Variants in EP400 observed in about 807,000 individuals in gnomAD.
EP400 encodes the protein E1A-binding protein p400.
A neutral mutation model predicts 354.1 loss-of-function variants in EP400; 105 were observed. That is an observed-to-expected ratio of 0.30 (90% CI 0.25 to 0.35). EP400 has a LOEUF of 0.35. EP400 is among the 10% of genes least tolerant of loss of function. The pLI is 1.00. For missense variants in EP400, 3,280 were observed against 4,121.0 expected, an observed-to-expected ratio of 0.80 and a Z score of 5.59; for synonymous variants, 1,646 against 1,716.9, an observed-to-expected ratio of 0.96 and a Z score of 1.02.
chr12:132,026,149 G>T (rs1477357976), intron 25 of EP400, among the ~76,000 whole-genome samples: 1 of 152,162 alleles, frequency 6.6e-6, no homozygotes. Flanking sequence ...GGCCGCCCAC[G>T]CAGGGTCTGG....
rs1195829904 is a variant in EP400, at chr12:131,990,370, G to A, written c.2550+266G>A. On this transcript the variant is annotated intron_variant, in intron 8 of 52. Coordinates refer to ENST00000389561, the MANE Select transcript of EP400 (RefSeq NM_015409.5). This position sits in a 1 kb window ranked among gnomAD's most constrained non-coding sequence, Gnocchi z 4.2. ...GAGGGGCTCTGGGCATTGTTTCAGG[G>A]TTAGCGTGAGTCACCACCACGGTTA... Among the ~76,000 whole-genome samples the A allele has an allele frequency of 6.6e-6, 1 of 152,180 alleles. No homozygotes were observed. The highest frequency in any genetic ancestry group is 1.5e-5 in the Non-Finnish European group (1 of 68,028).
chr12:132,067,634 A>T lies in EP400; in HGVS notation c.8874+148A>T. The T allele has an allele frequency of 8.7e-7, 1 of 1,151,286 alleles. No homozygotes were observed. Among genetic ancestry groups the T allele is most frequent in the Non-Finnish European group, 1.2e-6 (1 of 828,146 alleles). The allele number at this position is 1,151,286 out of a possible 1,614,324, so 71.3% of individuals were successfully genotyped here. On this transcript the variant is annotated intron_variant, in intron 50 of 52. Coordinates refer to ENST00000389561, the MANE Select transcript of EP400 (RefSeq NM_015409.5). The surrounding 1 kb of genome is among the most constrained non-coding windows in gnomAD (Gnocchi z 5.3). ...AAGGGCTGGAGGTGCTAGTGTGGTC[A>T]TCCCTGTTGGTTTTTCCTTCCTTTA...
intron 4 of EP400, 82 bp downstream of exon 4, chr12:131,981,678 C>A: frequency 8.1e-7 from 1 of 1,230,510 alleles, no homozygotes; most frequent in Non-Finnish European, 1.2e-6. Context: ...CAGACTCAGA[C>A]TTGGGCAGTG....
chr12:132,009,303 C>T (rs974427212), intron 15 of EP400, among the ~76,000 whole-genome samples: 7 of 152,060 alleles, frequency 4.6e-5, no homozygotes, highest in Admixed American at 2.0e-4. Flanking sequence ...AATCAGTCAG[C>T]GTTCATTCAT....
intron 45 of EP400, among the ~76,000 whole-genome samples, chr12:132,057,478 GGGCTCCACTACGGAGA>G (rs1895551391): frequency 6.6e-6 from 1 of 152,194 alleles, no homozygotes; most frequent in South Asian, 2.1e-4. Context: ...GATGCGGGAG[GGGCTCCACTACGGAGA>G]GGAATTCGAG....
chr12:131,988,123 C>T (rs1309023855), intron 7 of EP400, among the ~76,000 whole-genome samples: 1 of 151,638 alleles, frequency 6.6e-6, no homozygotes, highest in East Asian at 1.9e-4. Flanking sequence ...TTGCTCGCCT[C>T]GGCCTCCTGG....
At chr12:131,968,431 A>G (rs1258789705) in intron 2 of EP400, among the ~76,000 whole-genome samples, 3 of 152,074 alleles carry the variant, frequency 2.0e-5, no homozygotes, top group Non-Finnish European at 2.9e-5. Flanking sequence ...CCGTCTCTTT[A>G]TGTGTTTTTC....
chr12:131,961,448 G>C lies in EP400; in HGVS notation c.829G>C (p.Val277Leu). 1 of 1,531,874 alleles carries C rather than the reference G, an allele frequency of 6.5e-7. No individual in the cohort carries two copies. The highest frequency in any genetic ancestry group is 8.8e-7 in the Non-Finnish European group (1 of 1,132,018). The allele number at this position is 1,531,874 out of a possible 1,614,324, so 94.9% of individuals were successfully genotyped here. A position where few individuals can be genotyped will look rare whatever the true frequency, so the allele number is the denominator to read the frequency against. The change falls in exon 2 of 53, where the codon GTT becomes CTT. Residue 277 changes from valine to leucine, a missense_variant. Physicochemically the swap from Val to Leu is conservative, Grantham distance 32. Around this residue, in one of 20 missense-constraint regions of EP400, gnomAD observed 85 missense variants for 180.3 expected, o/e 0.47. Transcript: ENST00000389561. ...QISSIIQGQL[V>L]QQQQVLQGPP... ...CAGCAGCATCATCCAGGGCCAGCTG[G>C]TTCAGCAGCAGCAGGTGCTGCAGGG... is the stretch of plus-strand genomic sequence containing the variant.
At position 132,050,552 on chromosome 12, in the gene EP400, G is replaced by C. The variant is rs1593374305; in HGVS notation, c.7338-47G>C. 1 of 1,613,664 alleles carries C rather than the reference G, an allele frequency of 6.2e-7. No individual in the cohort carries two copies. Among genetic ancestry groups the C allele is most frequent in the Middle Eastern group, 1.7e-4 (1 of 6,060 alleles). The stretch of plus-strand genomic sequence containing the variant: ...TGTGTTTTTAACATACCCTTCTTCA[G>C]ATATTTCCTTTATTTAATAATTGCT... On this transcript the variant is annotated intron_variant, in intron 40 of 52. Transcript: ENST00000389561. The surrounding 1 kb of genome is among the most constrained non-coding windows in gnomAD (Gnocchi z 4.8).
chr12:132,061,618 C>T (rs918018831), intron 45 of EP400, among the ~76,000 whole-genome samples: 1 of 152,276 alleles, frequency 6.6e-6, no homozygotes, highest in Admixed American at 6.5e-5. Flanking sequence ...GAGTGGACTG[C>T]AGGGCACAGT....
Position 132,013,611 on chromosome 12 carries a change from C to G in EP400, c.3733C>G (p.Pro1245Ala), listed in dbSNP as rs1342534130. 13 of 1,613,710 alleles carry G rather than the reference C, an allele frequency of 8.1e-6. No homozygotes were observed. The highest frequency in any genetic ancestry group is 1.3e-5 in the African/African-American group (1 of 74,896). ...CTACCTGAGCTCCCCTCTGAGGGCC[C>G]CCAGTGAAGAGAGCCAGGATTACTA... is the stretch of plus-strand genomic sequence containing the variant. ...RPYLSSPLRA[P>A]SEESQDYYHK... Residue 1245 changes from proline (P) to alanine (A), a missense_variant, in exon 18 of 53, where the codon CCC (proline) becomes GCC (alanine). Coordinates refer to ENST00000389561, the MANE Select transcript of EP400 (RefSeq NM_015409.5). The surrounding 1 kb of genome is among the most constrained non-coding windows in gnomAD (Gnocchi z 4.5).
In EP400 at chr12:132,017,247, C is replaced by T. The variant is rs1893974066; in HGVS notation, c.3924-288C>T. 6.6e-6 allele frequency among the ~76,000 whole-genome samples: 1 copy of T among 152,226 alleles called. No homozygotes were observed. Among genetic ancestry groups the T allele is most frequent in the African/African-American group, 2.4e-5 (1 of 41,462 alleles). ...CACTTTGCTCATCCCCCTTGGATGC[C>T]CCCACTTCTCTTTCAGAGCACTCGG... On this transcript the variant is annotated intron_variant, in intron 19 of 52. Transcript: ENST00000389561. The surrounding 1 kb of genome is among the most constrained non-coding windows in gnomAD (Gnocchi z 5.0).
intron 16 of EP400, among the ~76,000 whole-genome samples, chr12:132,012,026 C>T (rs1470742187): frequency 6.6e-6 from 1 of 152,206 alleles, no homozygotes; most frequent in Non-Finnish European, 1.5e-5. Context: ...GAACCATTTC[C>T]ACAACATGCC....
At chr12:131,980,010 G>A (rs925475307) in intron 3 of EP400, among the ~76,000 whole-genome samples, 1 of 152,228 alleles carries the variant, frequency 6.6e-6, no homozygotes, top group East Asian at 1.9e-4. Context: ...GGTGTATTCC[G>A]TGTTGGTTTT....
At chr12:131,971,874 A>G (rs571330614) in intron 2 of EP400, among the ~76,000 whole-genome samples, 12 of 152,298 alleles carry the variant, frequency 7.9e-5, no homozygotes, top group Non-Finnish European at 1.2e-4. Flanking sequence ...TGGATTGTTT[A>G]GTGAAAGATA....
rs1202785063 is a variant in EP400, at chr12:132,054,759, TGGGGTGGAGGGACAATGGGATA to T, written c.7729-200_7729-179del. 2.8e-5 allele frequency among the ~76,000 whole-genome samples: 4 copies of T among 143,952 alleles called. No homozygotes were observed. Among genetic ancestry groups the T allele is most frequent in the Non-Finnish European group, 4.6e-5 (3 of 65,686 alleles). 94.4% of individuals were successfully genotyped at this position (143,952 alleles called of 152,430 possible). A position where few individuals can be genotyped will look rare whatever the true frequency, so the allele number is the denominator to read the frequency against. On this transcript the variant is annotated intron_variant, in intron 43 of 52. Transcript: ENST00000389561. The surrounding 1 kb of genome is among the most constrained non-coding windows in gnomAD (Gnocchi z 4.0). ...GAGGGACAGTGGGATGGAGGGTCCCTGGGGTGGAGGGACAATGGGATAGGGGTGGAGGGACAGCAGGTAGACA... is the reference window on the plus strand; with the variant it reads ...GAGGGACAGTGGGATGGAGGGTCCCTGGGGTGGAGGGACAGCAGGTAGACA...
chr12:132,024,258 A>T lies in EP400; in HGVS notation c.4855+317A>T, dbSNP rs1260665135. Among the ~76,000 whole-genome samples the T allele has an allele frequency of 2.0e-5, 3 of 152,292 alleles. No individual in the cohort carries two copies. In the South Asian group the frequency reaches 6.2e-4, roughly 32 times the overall value. On this transcript the variant is annotated intron_variant, in intron 24 of 52. Transcript: ENST00000389561. ...CGTGGTGGTGCTCTCCTGTGGTCCA[A>T]GCTACTCAGGAGGCTGAGGTGGGAA...
chr12:131,956,812 A>G (rs932155807), intron 1 of EP400, among the ~76,000 whole-genome samples: 52 of 143,102 alleles, frequency 3.6e-4, no homozygotes, highest in Non-Finnish European at 7.9e-4. Context: ...AAGGTTGGTC[A>G]TTTTCCTCTA....
At chr12:132,003,436 G>A (rs559513391) in intron 12 of EP400, among the ~76,000 whole-genome samples, 5 of 152,074 alleles carry the variant, frequency 3.3e-5, no homozygotes, top group Non-Finnish European at 4.4e-5. Flanking sequence ...TTTTGGTATC[G>A]AAAGGGGCCT....
Sources: allele counts gnomAD v4.1 joint callset (sites outside exome capture counted in the v4.1 genomes callset), GRCh38; gene constraint gnomAD v4.1.1; regional missense constraint gnomAD v4.1.1; non-coding constraint Gnocchi (gnomAD v3.1); transcripts MANE v1.5; gene names NCBI Gene and HGNC (gene_info 2026-07-23, HGNC 2026-07-21).